ERCC4: variants seen among roughly 807,000 people sequenced by gnomAD.
The protein encoded by ERCC4 is DNA repair endonuclease XPF.
Under a neutral mutation model 76.9 loss-of-function variants are expected in ERCC4, and 65 were observed. The ratio of observed to expected loss-of-function variants is 0.84; its 90% CI spans 0.69 to 1.04. The LOEUF is 1.04. Ranked by LOEUF, ERCC4 falls within the 50% of genes least tolerant of loss-of-function variation. The pLI is 0.00. For synonymous variants in ERCC4, 463 were observed against 410.1 expected (o/e 1.13, Z -1.56); for missense variants, 1,214 against 1,128.2 (o/e 1.08, Z -1.09).
chr16:13,935,314 G>C lies in ERCC4; in HGVS notation c.1382G>C (p.Arg461Thr), dbSNP rs2032262566. 1 of 1,613,706 alleles carries C rather than the reference G, an allele frequency of 6.2e-7. No homozygotes were observed. Among genetic ancestry groups the C allele is most frequent in the Non-Finnish European group, 8.5e-7 (1 of 1,179,976 alleles). Residue 461 changes from arginine (R) to threonine (T), a missense_variant, in exon 8 of 11, where the codon AGA becomes ACA. Physicochemically the swap from Arg to Thr is moderately conservative, Grantham distance 71. Coordinates refer to ENST00000311895, the MANE Select transcript of ERCC4 (RefSeq NM_005236.3). Reference sequence around the variant, plus strand: ...TTTAGGAAGGAAGACAGTTCAAAGAGAATTAGGAAATCTCACAAAAGACCT... The same window carrying C: ...TTTAGGAAGGAAGACAGTTCAAAGACAATTAGGAAATCTCACAAAAGACCT... ...MKFRKEDSSKRIRKSHKRPKD... is the reference protein window; with the variant it reads ...MKFRKEDSSKTIRKSHKRPKD...
chr16:13,922,512 C>G, intron 2 of ERCC4: 1 of 742,148 alleles, frequency 1.3e-6, no homozygotes, highest in South Asian at 1.4e-5. Context: ...CGAAGATGCT[C>G]GCTTCAGAAA....
rs924224208 is a variant in ERCC4, at chr16:13,926,936, T to G, written c.584+180T>G. 12 of 604,684 alleles carry G rather than the reference T, an allele frequency of 2.0e-5. No individual in the cohort carries two copies. In the Admixed American group the frequency reaches 3.4e-4, roughly 17 times the overall value. The allele number at this position is 604,684 out of a possible 1,614,324, so 37.5% of individuals were successfully genotyped here. The stretch of plus-strand genomic sequence containing the variant: ...AGCTATAAATATGTATTCACCAAGT[T>G]TGTGGTTTTATTTAAGTCGAGAGCA... On this transcript the variant is annotated intron_variant, in intron 3 of 10. Transcript: ENST00000311895.
At position 13,944,766 on chromosome 16, in the gene ERCC4, G is replaced by A. The variant is rs760177195; in HGVS notation, c.1948G>A (p.Asp650Asn). 1.1e-5 allele frequency: 18 copies of A among 1,613,986 alleles called. No homozygotes were observed. The highest frequency in any genetic ancestry group is 1.4e-5 in the Non-Finnish European group (16 of 1,179,942). The change falls in exon 10 of 11, where the codon GAT becomes AAT. Residue 650 changes from aspartate to asparagine, a missense_variant. Coordinates refer to ENST00000311895, the MANE Select transcript of ERCC4 (RefSeq NM_005236.3). ...TGTCCCTGAAGAAAGAGAAGGCAGA[G>A]ATGAAACAAACTTAGACCTAGTAAG... ...MVVPEEREGR[D>N]ETNLDLVRGT...
chr16:13,935,747 A>G lies in ERCC4; in HGVS notation c.1811+4A>G. The G allele has an allele frequency of 6.3e-7, 1 of 1,597,268 alleles. No homozygotes were observed. The highest frequency in any genetic ancestry group is 8.6e-7 in the Non-Finnish European group (1 of 1,164,590). On this transcript the variant is annotated splice_donor_region_variant and intron_variant, in intron 8 of 10. Transcript: ENST00000311895. ...GTAGGCCTGGGAAACCTCTGAGGCA[A>G]GTTATAAAGAATCACAGCTTTCAGT... is the stretch of plus-strand genomic sequence containing the variant.
At position 13,952,026 on chromosome 16, in the gene ERCC4, A is replaced by G. The variant is rs1049339988; in HGVS notation, c.*3679A>G. ...GTTCAGTTCTGAACTTCAGCACTTA[A>G]TCATCCTTATCAACCAGGCTTTTGG... On this transcript the variant is annotated 3_prime_UTR_variant, in exon 11 of 11. Transcript: ENST00000311895. 1.5e-5 allele frequency: 3 copies of G among 201,652 alleles called. No individual in the cohort carries two copies. The East Asian group carries it at 2.3e-4, about 16-fold the overall frequency. 12.5% of individuals were successfully genotyped at this position (201,652 alleles called of 1,614,324 possible).
chr16:13,943,515 C>G (rs2032454491), intron 9 of ERCC4, among the ~76,000 whole-genome samples: 1 of 152,158 alleles, frequency 6.6e-6, no homozygotes, highest in South Asian at 2.1e-4. Context: ...GAAACCACCC[C>G]CATGACTCAA....
chr16:13,938,797 A>C (rs373004432), intron 9 of ERCC4, among the ~76,000 whole-genome samples: 10 of 152,358 alleles, frequency 6.6e-5, no homozygotes, highest in African/African-American at 2.4e-4. Context: ...ACCATTCTGC[A>C]GTGGTGGCTG....
At chr16:13,934,129 C>T in intron 6 of ERCC4, 63 bp from the exon 7 acceptor site, 3 of 1,066,304 alleles carry the variant, frequency 2.8e-6, no homozygotes, top group Non-Finnish European at 4.3e-6. Flanking sequence ...GTTTTAAAAG[C>T]CTTTGGAAGA....
At position 13,926,753 on chromosome 16, in the gene ERCC4, C is replaced by T; in HGVS notation, c.581C>T (p.Pro194Leu). 1 of 1,608,926 alleles carries T rather than the reference C, an allele frequency of 6.2e-7. No individual in the cohort carries two copies. The highest frequency in any genetic ancestry group is 8.5e-7 in the Non-Finnish European group (1 of 1,175,528). The stretch of plus-strand genomic sequence containing the variant: ...TTTGTGAGGAAACTGTATCTGTGGC[C>T]AAGGTAAAGAACATTATGTGACAAA... ...NLFVRKLYLW[P>L]RFHVAVNSFL... Residue 194 changes from proline to leucine, a missense_variant, in exon 3 of 11, where the codon CCA (proline) becomes CTA (leucine). Pro to Leu is a moderately conservative substitution (Grantham distance 98). Coordinates refer to ENST00000311895, the MANE Select transcript of ERCC4 (RefSeq NM_005236.3).
chr16:13,950,811 CA>C lies in ERCC4; in HGVS notation c.*2466del. On this transcript the variant is annotated 3_prime_UTR_variant, in exon 11 of 11. Transcript: ENST00000311895. ...ATATTCTATGAAAGGGGTTTCATTC[CA>C]AGTTGAGTTTTCAAAAAAAAGGTCT... 1 of 193,824 alleles carries C rather than the reference CA, an allele frequency of 5.2e-6. No individual in the cohort carries two copies. Among genetic ancestry groups the C allele is most frequent in the Non-Finnish European group, 1.1e-5 (1 of 92,966 alleles). 12.0% of individuals were successfully genotyped at this position (193,824 alleles called of 1,614,324 possible).
chr16:13,928,492 G>T (rs899410391), intron 4 of ERCC4, among the ~76,000 whole-genome samples: 6 of 152,082 alleles, frequency 3.9e-5, no homozygotes, highest in Non-Finnish European at 8.8e-5. Flanking sequence ...TAATCAAGAA[G>T]AAAATAAATA....
At chr16:13,939,857 C>A (rs926302600) in intron 9 of ERCC4, among the ~76,000 whole-genome samples, 5 of 152,116 alleles carry the variant, frequency 3.3e-5, no homozygotes, top group African/African-American at 1.2e-4. Context: ...GGATGTGGGC[C>A]AGTACCTCCT....
chr16:13,928,080 G>T lies in ERCC4; in HGVS notation c.637G>T (p.Glu213Ter), dbSNP rs1567244240. The T allele has an allele frequency of 6.2e-7, 1 of 1,613,788 alleles. No individual in the cohort carries two copies. The highest frequency in any genetic ancestry group is 8.5e-7 in the Non-Finnish European group (1 of 1,179,870). Reference protein sequence around the residue: ...FLEQHKPEVVEIHVSMTPTML... With the variant: ...FLEQHKPEVV The stretch of plus-strand genomic sequence containing the variant: ...AGAACAGCACAAACCTGAAGTTGTA[G>T]AAATCCATGTTTCTATGACACCTAC... Residue 213 changes from glutamate (E) to a stop codon, truncating the protein, a stop_gained, in exon 4 of 11, where the codon GAA becomes TAA. Coordinates refer to ENST00000311895, the MANE Select transcript of ERCC4 (RefSeq NM_005236.3). LOFTEE classifies it high-confidence loss of function.
intron 9 of ERCC4, among the ~76,000 whole-genome samples, chr16:13,940,334 G>GC (rs2141612962): frequency 6.6e-6 from 1 of 151,904 alleles, no homozygotes; most frequent in Admixed American, 6.6e-5. Context: ...GTTGCAGTGA[G>GC]CTTAGATCGT....
At position 13,948,058 on chromosome 16, in the gene ERCC4, C is replaced by A. The variant is rs763983833; in HGVS notation, c.2462C>A (p.Pro821Gln). 6.2e-7 allele frequency: 1 copy of A among 1,614,152 alleles called. No homozygotes were observed. The highest frequency in any genetic ancestry group is 1.1e-5 in the South Asian group (1 of 91,078). ...TTTGAGGAGCTGAAACAAAGCAAGCCACAGCCTGATGCGGCGACAGCACTG... is the reference window on the plus strand; with the variant it reads ...TTTGAGGAGCTGAAACAAAGCAAGCAACAGCCTGATGCGGCGACAGCACTG... Reference protein sequence around the residue: ...ELFEELKQSKPQPDAATALAI... With the variant: ...ELFEELKQSKQQPDAATALAI... The change falls in exon 11 of 11, where the codon CCA becomes CAA. Residue 821 changes from proline to glutamine, a missense_variant. Transcript: ENST00000311895.
intron 10 of ERCC4, among the ~76,000 whole-genome samples, chr16:13,947,052 G>A (rs1041640006): frequency 1.4e-4 from 21 of 152,264 alleles, no homozygotes; most frequent in African/African-American, 3.9e-4. Context: ...GTGAGCCACC[G>A]CGCCCGGCCC....
chr16:13,924,539 T>C (rs1168913555), intron 2 of ERCC4, among the ~76,000 whole-genome samples: 4 of 152,222 alleles, frequency 2.6e-5, no homozygotes, highest in Non-Finnish European at 4.4e-5. Flanking sequence ...GGAAGGGTGC[T>C]GAAGATAGAC....
intron 5 of ERCC4, chr16:13,931,416 A>T (rs1307021915): frequency 6.2e-6 from 1 of 160,994 alleles, no homozygotes; most frequent in Non-Finnish European, 1.4e-5. Context: ...TGGGGTCAAG[A>T]TTTAATACAG....
chr16:13,947,691 A>G lies in ERCC4; in HGVS notation c.2095A>G (p.Ile699Val), dbSNP rs1258356236. 1.2e-6 allele frequency: 2 copies of G among 1,614,088 alleles called. No individual in the cohort carries two copies. Among genetic ancestry groups the G allele is most frequent in the East Asian group, 2.2e-5 (1 of 44,894 alleles). The change falls in exon 11 of 11, where the codon ATC becomes GTC. Residue 699 changes from isoleucine to valine, a missense_variant. Physicochemically the swap from Ile to Val is conservative, Grantham distance 29. Transcript: ENST00000311895. ...ATTTCGAAGTGAGCTTCCATCTCTGATCCATCGTCGGGGCATTGACATTGA... is the reference window on the plus strand; with the variant it reads ...ATTTCGAAGTGAGCTTCCATCTCTGGTCCATCGTCGGGGCATTGACATTGA... Reference protein sequence around the residue: ...REFRSELPSLIHRRGIDIEPV... With the variant: ...REFRSELPSLVHRRGIDIEPV...
Sources: allele counts gnomAD v4.1 joint callset (sites outside exome capture counted in the v4.1 genomes callset), GRCh38; gene constraint gnomAD v4.1.1; transcripts MANE v1.5; gene names NCBI Gene and HGNC (gene_info 2026-07-23, HGNC 2026-07-21).